UMAD1: variants seen among roughly 807,000 people sequenced by gnomAD.
UMAD1 encodes UBAP1-MVB12-associated (UMA) domain containing 1.
UMAD1 carries 8 observed loss-of-function variants against 6.1 expected under a neutral mutation model. The observed-to-expected ratio is 1.30, with a 90% confidence interval of 0.76 to 2.35. The LOEUF (loss-of-function observed/expected upper bound fraction) is 2.35. UMAD1 is among the 30% of genes most tolerant of loss of function. UMAD1 has a pLI of 0.00. For synonymous variants in UMAD1, 56 were observed against 31.4 expected (o/e 1.78, Z -2.61); for missense variants, 130 against 78.4 (o/e 1.66, Z -2.49).
At chr7:7,870,777 G>T (rs566448643) in intron 3 of UMAD1, among the ~76,000 whole-genome samples, 46 of 152,268 alleles carry the variant, frequency 3.0e-4, no homozygotes, top group African/African-American at 1.1e-3. Context: ...CACTCACCCT[G>T]CTGCCAAGAG....
chr7:7,724,596 C>T (rs1434864754), intron 2 of UMAD1, among the ~76,000 whole-genome samples: 1 of 152,162 alleles, frequency 6.6e-6, no homozygotes, highest in Non-Finnish European at 1.5e-5. Flanking sequence ...GGTGGTGATT[C>T]CCACCACATC....
chr7:7,786,267 A>G (rs1337896609), intron 2 of UMAD1, among the ~76,000 whole-genome samples: 2 of 152,192 alleles, frequency 1.3e-5, no homozygotes, highest in African/African-American at 4.8e-5. Flanking sequence ...GACCTTCAAT[A>G]TCTAGACATT....
chr7:7,757,890 G>C (rs145217487), intron 2 of UMAD1, among the ~76,000 whole-genome samples: 128 of 152,226 alleles, frequency 8.4e-4, no homozygotes, highest in African/African-American at 2.9e-3. Flanking sequence ...GCCGCAGCAG[G>C]GTTCTGTGTT....
chr7:7,692,710 A>G (rs559589459), intron 2 of UMAD1, among the ~76,000 whole-genome samples: 1 of 152,244 alleles, frequency 6.6e-6, no homozygotes, highest in Admixed American at 6.5e-5. Flanking sequence ...CCTGGGTTCA[A>G]GTGATTCTCC....
At chr7:7,758,192 A>G (rs1781816690) in intron 2 of UMAD1, among the ~76,000 whole-genome samples, 2 of 152,002 alleles carry the variant, frequency 1.3e-5, no homozygotes, top group South Asian at 4.1e-4. Context: ...TACGGGCATG[A>G]GCCACCGCGT....
chr7:7,649,781 C>T (rs1488095531), intron 1 of UMAD1, among the ~76,000 whole-genome samples: 1 of 152,072 alleles, frequency 6.6e-6, no homozygotes, highest in Non-Finnish European at 1.5e-5. Flanking sequence ...ATCCTAACCC[C>T]TAAGGTGATG....
At chr7:7,741,510 G>A (rs995040670) in intron 2 of UMAD1, among the ~76,000 whole-genome samples, 1 of 151,218 alleles carries the variant, frequency 6.6e-6, no homozygotes, top group Non-Finnish European at 1.5e-5. Context: ...CCAGGAGGCG[G>A]AGTTTGCAGT....
intron 3 of UMAD1, among the ~76,000 whole-genome samples, chr7:7,842,027 C>T (rs2115315737): frequency 6.6e-6 from 1 of 152,226 alleles, no homozygotes; most frequent in Non-Finnish European, 1.5e-5. Flanking sequence ...AGGCAGTAAA[C>T]AATGTAATTT....
intron 2 of UMAD1, among the ~76,000 whole-genome samples, chr7:7,700,898 C>A (rs1000098337): frequency 1.5e-4 from 23 of 151,270 alleles, no homozygotes; most frequent in African/African-American, 5.6e-4. Flanking sequence ...TAAAAAAAAA[C>A]AAAATGCCAG....
chr7:7,756,517 G>T (rs935045184), intron 2 of UMAD1, among the ~76,000 whole-genome samples: 3 of 152,130 alleles, frequency 2.0e-5, no homozygotes, highest in Non-Finnish European at 2.9e-5. Context: ...TTGTGTGAAA[G>T]CCTCATCTTA....
At chr7:7,824,101 C>T (rs1347423191) in intron 3 of UMAD1, among the ~76,000 whole-genome samples, 1 of 152,074 alleles carries the variant, frequency 6.6e-6, no homozygotes, top group African/African-American at 2.4e-5. Flanking sequence ...CCCTCCCGCA[C>T]CTCCCACCTT....
chr7:7,678,722 AATAT>A (rs368642047), intron 2 of UMAD1, among the ~76,000 whole-genome samples: 1 of 110,278 alleles, frequency 9.1e-6, no homozygotes, highest in Non-Finnish European at 1.7e-5. Context: ...TTAGTTTATA[AATAT>A]ATATTTATAT....
At chr7:7,796,728 A>G (rs1160010361) in intron 2 of UMAD1, among the ~76,000 whole-genome samples, 2 of 152,076 alleles carry the variant, frequency 1.3e-5, no homozygotes, top group East Asian at 3.9e-4. Flanking sequence ...AACAACTAAC[A>G]CCAACCAGTT....
chr7:7,643,660 C>G (rs1375768341), intron 1 of UMAD1, among the ~76,000 whole-genome samples: 1 of 150,530 alleles, frequency 6.6e-6, no homozygotes, highest in Non-Finnish European at 1.5e-5. Flanking sequence ...TGCAGTGAGC[C>G]GAGATCGCGC....
chr7:7,744,387 G>T (rs576451450), intron 2 of UMAD1, among the ~76,000 whole-genome samples: 17 of 152,214 alleles, frequency 1.1e-4, no homozygotes, highest in East Asian at 1.9e-4. Context: ...GAACATTTGT[G>T]TACAGGCTTT....
At chr7:7,769,172 C>T (rs1315035525) in intron 2 of UMAD1, among the ~76,000 whole-genome samples, 2 of 152,276 alleles carry the variant, frequency 1.3e-5, no homozygotes, top group East Asian at 1.9e-4. Context: ...TCCAGATACT[C>T]ATTTGTCTTT....
intron 3 of UMAD1, among the ~76,000 whole-genome samples, chr7:7,868,025 G>A (rs1784264514): frequency 6.6e-6 from 1 of 152,040 alleles, no homozygotes; most frequent in Non-Finnish European, 1.5e-5. Context: ...TGGCCCACCT[G>A]CCAGCAGCGA....
intron 2 of UMAD1, among the ~76,000 whole-genome samples, chr7:7,738,023 T>C (rs748735935): frequency 6.6e-6 from 1 of 152,240 alleles, no homozygotes; most frequent in Non-Finnish European, 1.5e-5. Context: ...GTTTTTCATG[T>C]TATCAATTGA....
At chr7:7,670,684 C>T (rs1779584459) in intron 1 of UMAD1, among the ~76,000 whole-genome samples, 1 of 152,222 alleles carries the variant, frequency 6.6e-6, no homozygotes, top group African/African-American at 2.4e-5. Context: ...AGATGTGGTA[C>T]TCTTGGTCTG....
Sources: allele counts gnomAD v4.1 joint callset (sites outside exome capture counted in the v4.1 genomes callset), GRCh38; gene constraint gnomAD v4.1.1; transcripts MANE v1.5; gene names NCBI Gene and HGNC (gene_info 2026-07-23, HGNC 2026-07-21).